The following LRRC53 variants were observed in gnomAD, a reference collection of about 807,000 sequenced individuals.
The protein encoded by LRRC53 is leucine-rich repeat-containing protein 53.
Under a neutral mutation model 13.6 loss-of-function variants are expected in LRRC53, and 25 were observed. That is an observed-to-expected ratio of 1.83 (90% CI 1.34 to 2.56). LRRC53 has a LOEUF of 2.56. LRRC53 is among the 30% of genes most tolerant of loss of function. The probability of loss-of-function intolerance (pLI) is 0.00; values close to 1 mark genes in which losing one functional copy is unlikely to be tolerated. For synonymous variants in LRRC53, 204 were observed against 109.8 expected, an observed-to-expected ratio of 1.86 and a Z score of -5.37; for missense variants, 527 against 275.8, an observed-to-expected ratio of 1.91 and a Z score of -6.45.
upstream of LRRC53, among the ~76,000 whole-genome samples, chr1:74,514,048 T>C (rs1646310397): frequency 6.6e-6 from 1 of 152,192 alleles, no homozygotes; most frequent in Non-Finnish European, 1.5e-5. Context: ...AAACGATAAC[T>C]GCGTTTTTCA....
chr1:74,513,238 T>G (rs1180803887), upstream of LRRC53, among the ~76,000 whole-genome samples: 2 of 152,160 alleles, frequency 1.3e-5, no homozygotes, highest in Admixed American at 1.3e-4. Context: ...AGTTCGTTTA[T>G]TCAGCTGATA....
upstream of LRRC53, among the ~76,000 whole-genome samples, chr1:74,513,259 AATT>A (rs200259845): frequency 8.0e-3 from 1,223 of 152,250 alleles, 26 homozygotes; most frequent in African/African-American, 0.028. Context: ...TTTATTGAGA[AATT>A]ATACCGGGAT....
At chr1:74,498,969 C>T (rs1173280376) in intron 1 of LRRC53, among the ~76,000 whole-genome samples, 1 of 152,120 alleles carries the variant, frequency 6.6e-6, no homozygotes, top group Admixed American at 6.5e-5. Flanking sequence ...AAAAGCAAAA[C>T]ATAATATTCT....
chr1:74,469,620 A>G lies in LRRC53; in HGVS notation c.*258T>C, dbSNP rs2100732924. 1 of 321,368 alleles carries G rather than the reference A, an allele frequency of 3.1e-6. No homozygotes were observed. 19.9% of individuals were successfully genotyped at this position (321,368 alleles called of 1,614,324 possible). ...TTTGCTTGCTTTTGCAAGACTTGGC[A>G]AAACTTTTCTTACTTGTTTTTTCAT... On this transcript the variant is annotated 3_prime_UTR_variant, in exon 5 of 5. Coordinates refer to ENST00000294635, the MANE Select transcript of LRRC53 (RefSeq NM_001382280.1).
the LRRC53 span, among the ~76,000 whole-genome samples, chr1:74,520,215 T>A: frequency 6.6e-6 from 1 of 152,084 alleles, no homozygotes; most frequent in African/African-American, 2.4e-5. Context: ...TGCATCCTCA[T>A]ATACCTTGAT....
intron 1 of LRRC53, among the ~76,000 whole-genome samples, chr1:74,490,133 G>T (rs992940067): frequency 1.3e-5 from 2 of 150,680 alleles, no homozygotes; most frequent in African/African-American, 2.4e-5. Context: ...GTTACAGCCT[G>T]CAGTGAGTGG....
chr1:74,493,413 G>GT (rs1344632188), intron 1 of LRRC53, among the ~76,000 whole-genome samples: 5 of 152,088 alleles, frequency 3.3e-5, no homozygotes, highest in African/African-American at 1.2e-4. Flanking sequence ...AAGCAAAAAG[G>GT]TAAGTCAGAA....
the LRRC53 span, among the ~76,000 whole-genome samples, chr1:74,536,264 A>G: frequency 4.7e-3 from 715 of 152,254 alleles, 7 homozygotes; most frequent in South Asian, 0.023. Flanking sequence ...ATTCATTCAC[A>G]GACAATGTGA....
the LRRC53 span, among the ~76,000 whole-genome samples, chr1:74,520,206 G>A: frequency 6.6e-6 from 1 of 151,814 alleles, no homozygotes; most frequent in Non-Finnish European, 1.5e-5. Context: ...TTATGCATGT[G>A]CATCCTCATA....
At chr1:74,491,039 AGTGGT>A (rs1669045143) in intron 1 of LRRC53, among the ~76,000 whole-genome samples, 1 of 152,228 alleles carries the variant, frequency 6.6e-6, no homozygotes, top group South Asian at 2.1e-4. Context: ...GAAATGGCAA[AGTGGT>A]ATCCAGTTGT....
intron 1 of LRRC53, among the ~76,000 whole-genome samples, chr1:74,503,597 T>C (rs1669744448): frequency 6.6e-6 from 1 of 152,164 alleles, no homozygotes; most frequent in Non-Finnish European, 1.5e-5. Context: ...TTTTTTAGGA[T>C]AGCTATCATC....
chr1:74,503,868 T>C (rs1376740012), intron 1 of LRRC53, among the ~76,000 whole-genome samples: 1 of 152,184 alleles, frequency 6.6e-6, no homozygotes, highest in African/African-American at 2.4e-5. Context: ...AATATATAAC[T>C]ATGCATGTTG....
the LRRC53 span, among the ~76,000 whole-genome samples, chr1:74,519,560 T>G: frequency 2.4e-5 from 3 of 126,336 alleles, no homozygotes; most frequent in Non-Finnish European, 4.5e-5. Flanking sequence ...TCCTGACTTT[T>G]TAATGATTGC....
intron 3 of LRRC53, among the ~76,000 whole-genome samples, chr1:74,477,961 G>A (rs1324160132): frequency 1.3e-5 from 2 of 152,150 alleles, no homozygotes; most frequent in African/African-American, 2.4e-5. Context: ...CCAGTTCATA[G>A]TGTAAGTGTC....
At chr1:74,478,994 T>C (rs747717750) in intron 3 of LRRC53, among the ~76,000 whole-genome samples, 5 of 152,380 alleles carry the variant, frequency 3.3e-5, no homozygotes, top group African/African-American at 1.2e-4. Context: ...TGTCTATACC[T>C]GATGCTGGTC....
intron 1 of LRRC53, among the ~76,000 whole-genome samples, chr1:74,509,322 G>T (rs1670062416): frequency 6.6e-6 from 1 of 152,164 alleles, no homozygotes; most frequent in South Asian, 2.1e-4. Context: ...TCAGGAAAAT[G>T]ACATTTGAGG....
intron 1 of LRRC53, among the ~76,000 whole-genome samples, chr1:74,489,940 G>A (rs1668970687): frequency 6.7e-6 from 1 of 149,838 alleles, no homozygotes; most frequent in Non-Finnish European, 1.5e-5. Context: ...GATCATATAT[G>A]CATTTGCATA....
chr1:74,528,320 T>C, the LRRC53 span, among the ~76,000 whole-genome samples: 1 of 151,966 alleles, frequency 6.6e-6, no homozygotes, highest in Admixed American at 6.6e-5. Context: ...CATAGGGACA[T>C]AGTACAGTGC....
chr1:74,483,230 G>A (rs1240489699), intron 2 of LRRC53, 32 bp downstream of exon 2: 1 of 715,964 alleles, frequency 1.4e-6, no homozygotes, highest in South Asian at 1.5e-5. Context: ...GGTACACTGA[G>A]CACTGCTTTT....
Sources: gnomAD v4.1 joint callset for allele counts (sites outside exome capture counted in the v4.1 genomes callset) on GRCh38, gnomAD v4.1.1 for gene constraint, MANE v1.5 for transcripts, NCBI Gene and HGNC (gene_info 2026-07-23, HGNC 2026-07-21) for gene names.